The following ALDH7A1 variants were observed in gnomAD, a reference collection of about 807,000 sequenced individuals.
ALDH7A1 encodes the protein aldehyde dehydrogenase 7 family member A1, also known as alpha-aminoadipic semialdehyde dehydrogenase.
A neutral mutation model predicts 79.9 loss-of-function variants in ALDH7A1; 63 were observed. The ratio of observed to expected loss-of-function variants is 0.79; its 90% CI spans 0.64 to 0.97. The LOEUF (loss-of-function observed/expected upper bound fraction) is 0.97, where lower values mean the gene tolerates loss of function less well. Among genes scored for constraint, ALDH7A1 ranks in the 50% least tolerant of loss-of-function variants. The pLI, the probability that ALDH7A1 is intolerant of heterozygous loss-of-function variation, is 0.00. For synonymous variants in ALDH7A1, 240 were observed against 231.2 expected (o/e 1.04, Z -0.34); for missense variants, 627 against 665.2 (o/e 0.94, Z 0.63).
intron 3 of ALDH7A1, 114 bp downstream of exon 3, chr5:126,592,550 A>G (rs1751586341): frequency 2.0e-6 from 2 of 1,017,418 alleles, no homozygotes; most frequent in Admixed American, 3.8e-5. Context: ...GCCCCCAAGG[A>G]GCTCACATTT....
intron 9 of ALDH7A1, among the ~76,000 whole-genome samples, chr5:126,563,795 AT>A (rs71573960): frequency 1.3e-5 from 2 of 149,892 alleles, no homozygotes; most frequent in Admixed American, 1.3e-4. Flanking sequence ...CCGGCCCACC[AT>A]TTTTTTTTCT....
intron 11 of ALDH7A1, among the ~76,000 whole-genome samples, chr5:126,558,166 CAAAAAAAAAAAA>C (rs35559498): frequency 5.3e-5 from 4 of 75,428 alleles, no homozygotes; most frequent in Admixed American, 2.0e-4. Flanking sequence ...GACTCCAACT[CAAAAAAAAAAAA>C]AAAAAAAAAA....
chr5:126,591,200 T>A (rs74509617), intron 3 of ALDH7A1, among the ~76,000 whole-genome samples: 1,963 of 152,302 alleles, frequency 0.013, 36 homozygotes, highest in African/African-American at 0.036. Flanking sequence ...GACACTGTTT[T>A]GGACAGTATT....
At chr5:126,575,297 G>A in intron 7 of ALDH7A1, 123 bp downstream of exon 7, 1 of 837,392 alleles carries the variant, frequency 1.2e-6, no homozygotes, top group South Asian at 1.6e-5. Context: ...ACAAGCAAAG[G>A]AGAAAGAGGT....
chr5:126,571,715 C>T (rs757451577), intron 7 of ALDH7A1, among the ~76,000 whole-genome samples: 3 of 151,408 alleles, frequency 2.0e-5, no homozygotes, highest in Admixed American at 6.6e-5. Context: ...AGACCTAGAA[C>T]GATGAAGGAA....
At chr5:126,587,907 G>C (rs1029608815) in intron 3 of ALDH7A1, 6 of 152,204 alleles carry the variant, frequency 3.9e-5, no homozygotes, top group Admixed American at 1.3e-4. Flanking sequence ...GAACTCAATT[G>C]CTTAACTCAA....
chr5:126,582,750 G>T, intron 5 of ALDH7A1, 101 bp downstream of exon 5: 1 of 1,386,196 alleles, frequency 7.2e-7, no homozygotes, highest in Non-Finnish European at 1.0e-6. Flanking sequence ...TATGCCACTT[G>T]AAATTTCTCT....
chr5:126,556,539 C>T (rs1489929084), intron 11 of ALDH7A1, among the ~76,000 whole-genome samples: 3 of 152,146 alleles, frequency 2.0e-5, no homozygotes, highest in African/African-American at 7.2e-5. Flanking sequence ...CCACCACACC[C>T]GGTCCATAAG....
chr5:126,570,818 G>A lies in ALDH7A1; in HGVS notation c.737C>T (p.Ala246Val). The A allele has an allele frequency of 6.2e-7, 1 of 1,613,966 alleles. No homozygotes were observed. The highest frequency in any genetic ancestry group is 8.5e-7 in the Non-Finnish European group (1 of 1,179,904). Residue 246 changes from alanine (A) to valine (V), a missense_variant, in exon 8 of 18, where the codon GCA becomes GTA. Transcript: ENST00000409134. ...KVLEDNKLPG[A>V]ICSLTCGGAD... ...TCCACCACAAGTCAAGGAACAAATT[G>A]CACCAGGCAGCTTGTTGTCCTCCAG...
At chr5:126,546,656 A>G (rs1024764482) in intron 16 of ALDH7A1, among the ~76,000 whole-genome samples, 13 of 150,116 alleles carry the variant, frequency 8.7e-5, no homozygotes, top group Non-Finnish European at 1.5e-4. Context: ...AACGGTAAAA[A>G]AAAAAAAAAA....
At chr5:126,550,325 G>A (rs771098290) in intron 14 of ALDH7A1, 32 bp from the exon 15 acceptor site, 3 of 1,508,178 alleles carry the variant, frequency 2.0e-6, no homozygotes, top group Non-Finnish European at 2.8e-6. Flanking sequence ...GCTGTAAGAT[G>A]TTATAGTGTT....
At chr5:126,552,204 T>A in intron 13 of ALDH7A1, 67 bp from the exon 14 acceptor site, 1 of 1,175,804 alleles carries the variant, frequency 8.5e-7, no homozygotes, top group South Asian at 1.2e-5. Context: ...GGTCAGAGGA[T>A]GCAATCTTTG....
intron 3 of ALDH7A1, 50 bp downstream of exon 3, chr5:126,592,614 A>G (rs1751588096): frequency 6.3e-7 from 1 of 1,576,962 alleles, no homozygotes; most frequent in East Asian, 2.2e-5. Flanking sequence ...CATTGGTTAC[A>G]ATAGGCAAAG....
chr5:126,542,146 G>GAAAAAAAAAAAAAAAAAA lies in ALDH7A1; in HGVS notation c.*2801_*2818dup, dbSNP rs11395324. ...TTCTGCAGGATAAGCTCCAGGTGTA[G>GAAAAAAAAAAAAAAAAAA]AAAAAAAAAAAAAAAAAAAAGTTTG... On this transcript the variant is annotated 3_prime_UTR_variant, in exon 18 of 18. Coordinates refer to ENST00000409134, the MANE Select transcript of ALDH7A1 (RefSeq NM_001182.5). 1 of 94,554 alleles carries GAAAAAAAAAAAAAAAAAA rather than the reference G, an allele frequency of 1.1e-5. No individual in the cohort carries two copies. The allele number at this position is 94,554 out of a possible 1,614,324, so 5.9% of individuals were successfully genotyped here.
chr5:126,564,571 G>A lies in ALDH7A1; in HGVS notation c.872-3447C>T, dbSNP rs1478733704. ...CAGGAGCATATGTGACAACAGCAGA[G>A]TATCTTCTCATTTCCATTGCTCTGA... On this transcript the variant is annotated intron_variant, in intron 9 of 17. Coordinates refer to ENST00000409134, the MANE Select transcript of ALDH7A1 (RefSeq NM_001182.5). 6 of 1,248,196 alleles carry A rather than the reference G, an allele frequency of 4.8e-6. No individual in the cohort carries two copies. In the East Asian group the frequency reaches 1.6e-4, roughly 33 times the overall value. 77.3% of individuals were successfully genotyped at this position (1,248,196 alleles called of 1,614,324 possible). A position where few individuals can be genotyped will look rare whatever the true frequency, so the allele number is the denominator to read the frequency against.
intron 7 of ALDH7A1, among the ~76,000 whole-genome samples, chr5:126,571,334 C>A (rs1237232379): frequency 6.6e-6 from 1 of 151,128 alleles, no homozygotes; most frequent in East Asian, 1.9e-4. Flanking sequence ...AAAAATTAGC[C>A]GAGAGTGACG....
intron 3 of ALDH7A1, chr5:126,586,992 T>C (rs1350469433): frequency 6.6e-6 from 1 of 151,650 alleles, no homozygotes; most frequent in East Asian, 1.9e-4. Flanking sequence ...GGCAGGAGAA[T>C]CACTTGAACC....
chr5:126,544,912 C>CA lies in ALDH7A1; in HGVS notation c.*52dup. On this transcript the variant is annotated 3_prime_UTR_variant, in exon 18 of 18. Transcript: ENST00000409134. ...AAACTTTAATTTTCTTTGTCTTCTC[C>CA]AAAAACAGCTGCTGGAACACCTCAA... is the stretch of plus-strand genomic sequence containing the variant. The CA allele has an allele frequency of 6.8e-7, 1 of 1,478,010 alleles. No homozygotes were observed. The highest frequency in any genetic ancestry group is 9.5e-7 in the Non-Finnish European group (1 of 1,057,880). 91.6% of individuals were successfully genotyped at this position (1,478,010 alleles called of 1,614,324 possible). A position where few individuals can be genotyped will look rare whatever the true frequency, so the allele number is the denominator to read the frequency against.
At position 126,559,255 on chromosome 5, in the gene ALDH7A1, G is replaced by A; in HGVS notation, c.993C>T (p.Thr331=). The change falls in exon 11 of 18, where the codon ACC becomes ACT. Residue 331 remains threonine, a synonymous_variant. Coordinates refer to ENST00000409134, the MANE Select transcript of ALDH7A1 (RefSeq NM_001182.5). ...ATATACTCACCAGTCGCCTCGCAGT[G>A]GTACACCTCTGGCCAGCTGTTCCCA... ...AAVGTAGQRC[T]TARRLFIHES... is the part of the protein sequence containing the mutation. 1 of 1,613,854 alleles carries A rather than the reference G, an allele frequency of 6.2e-7. No homozygotes were observed. Among genetic ancestry groups the A allele is most frequent in the Non-Finnish European group, 8.5e-7 (1 of 1,179,824 alleles).
Sources: allele counts gnomAD v4.1 joint callset (sites outside exome capture counted in the v4.1 genomes callset), GRCh38; gene constraint gnomAD v4.1.1; transcripts MANE v1.5; gene names NCBI Gene and HGNC (gene_info 2026-07-23, HGNC 2026-07-21).